Variants in PCCA observed in about 807,000 individuals in gnomAD.
PCCA encodes the protein propionyl-CoA carboxylase alpha chain, mitochondrial.
PCCA carries 74 observed loss-of-function variants against 101.3 expected under a neutral mutation model. The ratio of observed to expected loss-of-function variants is 0.73; its 90% CI spans 0.61 to 0.89. PCCA has a LOEUF of 0.89. PCCA is among the 40% of genes least tolerant of loss of function. PCCA has a pLI of 0.00. For missense variants in PCCA, 891 were observed against 907.0 expected, an observed-to-expected ratio of 0.98 and a Z score of 0.23; for synonymous variants, 294 against 313.6, an observed-to-expected ratio of 0.94 and a Z score of 0.66.
intron 21 of PCCA, among the ~76,000 whole-genome samples, chr13:100,487,787 G>A (rs1216443906): frequency 6.6e-6 from 1 of 151,680 alleles, no homozygotes; most frequent in Non-Finnish European, 1.5e-5. Flanking sequence ...TGCAGTGGCA[G>A]GATCATAGCT....
At chr13:100,132,523 T>TTG (rs1205353901) in intron 4 of PCCA, among the ~76,000 whole-genome samples, 1 of 152,258 alleles carries the variant, frequency 6.6e-6, no homozygotes, top group Non-Finnish European at 1.5e-5. Flanking sequence ...TAGTGTTGCA[T>TTG]TGTGTGGATG....
chr13:100,456,064 A>C (rs559556398), intron 21 of PCCA, among the ~76,000 whole-genome samples: 3 of 152,332 alleles, frequency 2.0e-5, no homozygotes, highest in Non-Finnish European at 4.4e-5. Context: ...ACTTTGTTCC[A>C]CATCTTCACT....
chr13:100,187,114 A>G (rs1056881104), intron 6 of PCCA, among the ~76,000 whole-genome samples: 1 of 152,226 alleles, frequency 6.6e-6, no homozygotes, highest in Non-Finnish European at 1.5e-5. Flanking sequence ...ATGTAGCTAT[A>G]CTGATACAGG....
intron 6 of PCCA, among the ~76,000 whole-genome samples, chr13:100,175,498 T>C (rs1320582099): frequency 2.0e-5 from 3 of 152,228 alleles, no homozygotes; most frequent in Non-Finnish European, 4.4e-5. Context: ...CTTTAATTGA[T>C]GTTGAATTGT....
At chr13:100,322,416 G>A (rs186984623) in intron 16 of PCCA, among the ~76,000 whole-genome samples, 2 of 152,182 alleles carry the variant, frequency 1.3e-5, no homozygotes, top group East Asian at 3.9e-4. Context: ...AAAATGAAAA[G>A]CAGGTTTTAG....
At chr13:100,143,987 C>T (rs996418507) in intron 4 of PCCA, among the ~76,000 whole-genome samples, 2 of 151,002 alleles carry the variant, frequency 1.3e-5, no homozygotes, top group Non-Finnish European at 2.9e-5. Context: ...TGGTCTGGAA[C>T]TCCTGGGCTC....
At chr13:100,183,704 AG>A (rs1371086178) in intron 6 of PCCA, among the ~76,000 whole-genome samples, 5 of 152,126 alleles carry the variant, frequency 3.3e-5, no homozygotes, top group African/African-American at 1.2e-4. Context: ...TGGCAGAAAA[AG>A]GGGTGCTGCA....
chr13:100,395,978 T>A (rs967438996), intron 19 of PCCA, among the ~76,000 whole-genome samples: 2 of 152,238 alleles, frequency 1.3e-5, no homozygotes, highest in Admixed American at 6.5e-5. Flanking sequence ...CTCTGTTATC[T>A]TTAGTTTGTA....
intron 19 of PCCA, among the ~76,000 whole-genome samples, chr13:100,401,113 C>G (rs1386218457): frequency 6.6e-6 from 1 of 152,068 alleles, no homozygotes; most frequent in Non-Finnish European, 1.5e-5. Flanking sequence ...TTTGGCTTAT[C>G]CCGAGAATTG....
At chr13:100,528,862 G>A (rs935560656) in intron 23 of PCCA, among the ~76,000 whole-genome samples, 5 of 152,126 alleles carry the variant, frequency 3.3e-5, no homozygotes, top group East Asian at 1.9e-4. Flanking sequence ...CTAGTATCAC[G>A]ACATCCATCC....
intron 21 of PCCA, among the ~76,000 whole-genome samples, chr13:100,509,443 T>C (rs1281012556): frequency 6.6e-6 from 1 of 152,208 alleles, no homozygotes; most frequent in African/African-American, 2.4e-5. Context: ...ACGGTTTGAC[T>C]TGTGGGACGT....
At chr13:100,247,383 A>AT (rs1335757659) in intron 8 of PCCA, among the ~76,000 whole-genome samples, 2 of 149,838 alleles carry the variant, frequency 1.3e-5, no homozygotes, top group African/African-American at 2.5e-5. Flanking sequence ...CGCCCGGCTA[A>AT]TTTTTTGTAT....
At chr13:100,126,193 G>A (rs2049937089) in intron 4 of PCCA, among the ~76,000 whole-genome samples, 1 of 152,064 alleles carries the variant, frequency 6.6e-6, no homozygotes, top group Non-Finnish European at 1.5e-5. Context: ...GCCATTGTTT[G>A]CTTTTCCATA....
intron 20 of PCCA, among the ~76,000 whole-genome samples, chr13:100,441,659 A>C (rs2080376627): frequency 6.6e-6 from 1 of 152,230 alleles, no homozygotes; most frequent in African/African-American, 2.4e-5. Context: ...CTGGCTTTGG[A>C]GTGCCATTTA....
intron 20 of PCCA, among the ~76,000 whole-genome samples, chr13:100,443,232 A>T (rs966961005): frequency 1.3e-5 from 2 of 152,074 alleles, no homozygotes; most frequent in African/African-American, 4.8e-5. Flanking sequence ...TGGGGGAAAA[A>T]ATTAAAGAAG....
chr13:100,280,964 C>T lies in PCCA; in HGVS notation c.1065+7618C>T, dbSNP rs188411353. 5.0e-4 allele frequency among the ~76,000 whole-genome samples: 76 copies of T among 151,962 alleles called. No homozygotes were observed. The East Asian group carries it at 0.012, about 23-fold the overall frequency. On this transcript the variant is annotated intron_variant, in intron 12 of 23. Coordinates refer to ENST00000376285, the MANE Select transcript of PCCA (RefSeq NM_000282.4). Reference sequence around the variant, plus strand: ...CCACTGCACTCCAGCCTGGACAGAGCGAGACCCTGTCTCTGAAAAACAAAC... The same window carrying T: ...CCACTGCACTCCAGCCTGGACAGAGTGAGACCCTGTCTCTGAAAAACAAAC...
intron 6 of PCCA, among the ~76,000 whole-genome samples, chr13:100,204,976 C>CT (rs1250997744): frequency 6.6e-6 from 1 of 151,852 alleles, no homozygotes; most frequent in African/African-American, 2.4e-5. Flanking sequence ...AAATGAATCA[C>CT]TTTAATGATG....
chr13:100,197,583 A>G (rs1285478217), intron 6 of PCCA, among the ~76,000 whole-genome samples: 2 of 152,138 alleles, frequency 1.3e-5, no homozygotes, highest in African/African-American at 2.4e-5. Context: ...TGCTAGGATT[A>G]CAGGAGCATG....
chr13:100,470,147 C>T (rs2082886206), intron 21 of PCCA, among the ~76,000 whole-genome samples: 1 of 152,176 alleles, frequency 6.6e-6, no homozygotes, highest in South Asian at 2.1e-4. Flanking sequence ...GAGATGGGCA[C>T]ACCTGGCTAT....
Sources: gnomAD v4.1 joint callset for allele counts (sites outside exome capture counted in the v4.1 genomes callset) on GRCh38, gnomAD v4.1.1 for gene constraint, MANE v1.5 for transcripts, NCBI Gene and HGNC (gene_info 2026-07-23, HGNC 2026-07-21) for gene names.